The following MON2 variants were observed in gnomAD, a reference collection of about 807,000 sequenced individuals.
MON2 encodes the protein MON2 regulator of endosome-to-Golgi trafficking.
A neutral mutation model predicts 208.6 loss-of-function variants in MON2; 84 were observed. The ratio of observed to expected loss-of-function variants is 0.40; its 90% CI spans 0.34 to 0.48. The LOEUF (loss-of-function observed/expected upper bound fraction) is 0.48. Among genes scored for constraint, MON2 ranks in the 20% least tolerant of loss-of-function variants. The pLI is 0.59. For missense variants in MON2, 1,611 were observed against 2,015.4 expected, an observed-to-expected ratio of 0.80 and a Z score of 3.84; for synonymous variants, 660 against 694.0, an observed-to-expected ratio of 0.95 and a Z score of 0.77.
At chr12:62,536,202 T>G (rs1349415641) in intron 14 of MON2, among the ~76,000 whole-genome samples, 1 of 144,528 alleles carries the variant, frequency 6.9e-6, no homozygotes. Context: ...AACTATGAGA[T>G]ACCATTGAAA....
chr12:62,484,874 G>A (rs530379918), intron 2 of MON2: 1 of 137,604 alleles, frequency 7.3e-6, no homozygotes, highest in Non-Finnish European at 1.6e-5. Context: ...GGTGCCTTTT[G>A]TTCTTGCCTC....
At chr12:62,479,286 A>T (rs144559933) in intron 1 of MON2, among the ~76,000 whole-genome samples, 5 of 152,214 alleles carry the variant, frequency 3.3e-5, no homozygotes, top group African/African-American at 1.2e-4. Context: ...CAAGCCCCTG[A>T]TATGAAATGT....
In MON2 at chr12:62,594,161, T is replaced by C. The variant is rs1038482908; in HGVS notation, c.*1412T>C. 1.3e-5 allele frequency: 2 copies of C among 152,164 alleles called. No individual in the cohort carries two copies. The highest frequency in any genetic ancestry group is 4.8e-5 in the African/African-American group (2 of 41,460). 9.4% of individuals were successfully genotyped at this position (152,164 alleles called of 1,614,324 possible). On this transcript the variant is annotated 3_prime_UTR_variant, in exon 35 of 35. Transcript: ENST00000393630. The stretch of plus-strand genomic sequence containing the variant: ...AACAATGATTATTCATAAGAAATCA[T>C]GATGGTCTCAGTATTATTTTAGTGT...
chr12:62,581,163 T>G (rs1471700799), intron 32 of MON2, among the ~76,000 whole-genome samples: 2 of 152,226 alleles, frequency 1.3e-5, no homozygotes, highest in Non-Finnish European at 2.9e-5. Context: ...TTTCATTATA[T>G]CATGCTGCCT....
At chr12:62,509,488 C>T (rs529779291) in intron 8 of MON2, among the ~76,000 whole-genome samples, 1 of 152,236 alleles carries the variant, frequency 6.6e-6, no homozygotes, top group South Asian at 2.1e-4. Flanking sequence ...GGTAGAACAA[C>T]CAGACATAAG....
chr12:62,471,727 T>C (rs2068800156), intron 1 of MON2, among the ~76,000 whole-genome samples: 1 of 152,186 alleles, frequency 6.6e-6, no homozygotes, highest in Non-Finnish European at 1.5e-5. Context: ...AAAAGGCTGC[T>C]GGGCAGACTG....
chr12:62,467,366 C>A, intron 1 of MON2, 48 bp downstream of exon 1: 1 of 1,462,282 alleles, frequency 6.8e-7, no homozygotes, highest in Non-Finnish European at 9.6e-7. Flanking sequence ...CATGCCTGGT[C>A]CTGTTAGACT....
At chr12:62,560,375 C>A (rs2074152309) in intron 25 of MON2, 116 bp from the exon 26 acceptor site, 3 of 1,016,674 alleles carry the variant, frequency 3.0e-6, no homozygotes, top group Non-Finnish European at 4.3e-6. Flanking sequence ...ATATATTTTC[C>A]AGTTCTGTAG....
intron 23 of MON2, among the ~76,000 whole-genome samples, 183 bp downstream of exon 23, chr12:62,550,013 G>A (rs2136295288): frequency 6.6e-6 from 1 of 152,248 alleles, no homozygotes; most frequent in East Asian, 1.9e-4. Flanking sequence ...CAAAATGTTT[G>A]AAATAATTTT....
At chr12:62,486,730 A>G (rs1050187040) in intron 2 of MON2, among the ~76,000 whole-genome samples, 40 of 152,196 alleles carry the variant, frequency 2.6e-4, no homozygotes, top group African/African-American at 9.1e-4. Flanking sequence ...TTTCATGAGA[A>G]GTATTTACTT....
chr12:62,547,865 C>T (rs754851879), intron 22 of MON2, among the ~76,000 whole-genome samples: 4 of 152,110 alleles, frequency 2.6e-5, no homozygotes, highest in African/African-American at 4.8e-5. Flanking sequence ...CATATAGCCC[C>T]GGTGTGTAGT....
chr12:62,505,427 T>G (rs1214135500), intron 7 of MON2, among the ~76,000 whole-genome samples: 1 of 152,176 alleles, frequency 6.6e-6, no homozygotes, highest in Non-Finnish European at 1.5e-5. Flanking sequence ...ACTCTGGAAC[T>G]CTGAGGAAGC....
intron 19 of MON2, among the ~76,000 whole-genome samples, chr12:62,540,587 A>G (rs1363100412): frequency 3.3e-5 from 5 of 152,186 alleles, no homozygotes; most frequent in African/African-American, 1.2e-4. Context: ...CAGTAGTGCA[A>G]TTTCAGAGAG....
At position 62,494,772 on chromosome 12, in the gene MON2, A is replaced by T. The variant is rs546045681; in HGVS notation, c.304-244A>T. Among the ~76,000 whole-genome samples the T allele has an allele frequency of 3.9e-5, 6 of 152,338 alleles. No individual in the cohort carries two copies. In the South Asian group the frequency reaches 1.2e-3, roughly 32 times the overall value. On this transcript the variant is annotated intron_variant, in intron 3 of 34. Transcript: ENST00000393630. Reference sequence around the variant, plus strand: ...GCTGTGATTTTGACTAGGTATTACAAAACTGCTTGCTGCTATTTGTATATA... The same window carrying T: ...GCTGTGATTTTGACTAGGTATTACATAACTGCTTGCTGCTATTTGTATATA...
chr12:62,540,173 A>G (rs1294735307), intron 19 of MON2, among the ~76,000 whole-genome samples: 4 of 152,324 alleles, frequency 2.6e-5, no homozygotes, highest in South Asian at 2.1e-4. Context: ...TATTTATTCA[A>G]TAAGCACAGT....
intron 33 of MON2, among the ~76,000 whole-genome samples, chr12:62,586,199 A>G (rs769301525): frequency 1.1e-4 from 16 of 152,234 alleles, no homozygotes; most frequent in Admixed American, 3.3e-4. Flanking sequence ...AGAAAATAAC[A>G]TGGGAAAACA....
intron 24 of MON2, 111 bp from the exon 25 acceptor site, chr12:62,555,883 T>C (rs1459991983): frequency 1.9e-5 from 15 of 769,772 alleles, no homozygotes; most frequent in South Asian, 5.1e-5. Flanking sequence ...TTGATAAGAC[T>C]GTCAAGTATA....
intron 1 of MON2, among the ~76,000 whole-genome samples, chr12:62,474,450 G>A (rs1490027390): frequency 6.6e-6 from 1 of 150,676 alleles, no homozygotes; most frequent in East Asian, 2.0e-4. Flanking sequence ...TTTGAGACGA[G>A]TTTCACTCAT....
intron 21 of MON2, among the ~76,000 whole-genome samples, chr12:62,546,478 G>A (rs958313287): frequency 5.3e-5 from 8 of 152,046 alleles, no homozygotes; most frequent in African/African-American, 1.9e-4. Context: ...TTCCAAACGG[G>A]CATGGTGGCT....
Sources: gnomAD v4.1 joint callset for allele counts (sites outside exome capture counted in the v4.1 genomes callset) on GRCh38, gnomAD v4.1.1 for gene constraint, MANE v1.5 for transcripts, NCBI Gene and HGNC (gene_info 2026-07-23, HGNC 2026-07-21) for gene names.